Variants in DENND1C observed in about 807,000 individuals in gnomAD.
DENND1C encodes DENN domain-containing protein 1C.
A neutral mutation model predicts 87.9 loss-of-function variants in DENND1C; 64 were observed. That is an observed-to-expected ratio of 0.73 (90% CI 0.60 to 0.90). The LOEUF is 0.90. Ranked by LOEUF, DENND1C falls within the 40% of genes least tolerant of loss-of-function variation. DENND1C has a pLI of 0.00. For synonymous variants in DENND1C, 384 were observed against 424.4 expected (o/e 0.90, Z 1.17); for missense variants, 980 against 1,037.0 (o/e 0.95, Z 0.76).
Position 6,471,240 on chromosome 19 carries a change from C to T in DENND1C, c.1290+25G>A, listed in dbSNP as rs765944971. On this transcript the variant is annotated intron_variant, in intron 17 of 22. Transcript: ENST00000381480. ...GATTACAGGCCTAAGCCAACGCCCACGGCCTATTGTTCTGGTGGTCTTACC... is the reference window on the plus strand; with the variant it reads ...GATTACAGGCCTAAGCCAACGCCCATGGCCTATTGTTCTGGTGGTCTTACC... 3.8e-5 allele frequency: 59 copies of T among 1,571,202 alleles called. 3 individuals are homozygous for T. The highest frequency in any genetic ancestry group is 3.0e-4 in the African/African-American group (22 of 74,106).
intron 14 of DENND1C, among the ~76,000 whole-genome samples, chr19:6,473,444 C>T (rs1322150001): frequency 8.3e-5 from 12 of 144,742 alleles, no homozygotes; most frequent in Non-Finnish European, 1.7e-4. Flanking sequence ...TGAGCCACCG[C>T]GCCCAGCCCT....
At chr19:6,471,180 A>C in intron 17 of DENND1C, 85 bp downstream of exon 17, 1 of 1,531,592 alleles carries the variant, frequency 6.5e-7, no homozygotes, top group Non-Finnish European at 8.8e-7. Context: ...TTCTGGTCGC[A>C]GCAATCCTTC....
In DENND1C at chr19:6,468,880, T is replaced by G. The variant is rs911962111; in HGVS notation, c.1481A>C (p.Gln494Pro). The part of the protein sequence containing the change: ...PALPSRSDRL[Q>P]QRLPITQHFG... ...GTGCTGAGTGATTGGGAGGCGTTGCTGCAGGCGGTCTGAGCGGCTGGGGAG... is the reference window on the plus strand; with the variant it reads ...GTGCTGAGTGATTGGGAGGCGTTGCGGCAGGCGGTCTGAGCGGCTGGGGAG... The change falls in exon 20 of 23, where the codon CAG (glutamine) becomes CCG (proline). Residue 494 changes from glutamine to proline, a missense_variant. Gln to Pro is a moderately conservative substitution (Grantham distance 76, BLOSUM62 -1). Transcript: ENST00000381480. 4 of 1,511,596 alleles carry G rather than the reference T, an allele frequency of 2.6e-6. No individual in the cohort carries two copies. The highest frequency in any genetic ancestry group is 2.6e-6 in the Non-Finnish European group (3 of 1,135,562). The allele number at this position is 1,511,596 out of a possible 1,614,324, so 93.6% of individuals were successfully genotyped here.
Position 6,479,049 on chromosome 19 carries a change from G to C in DENND1C, c.184C>G (p.Pro62Ala), listed in dbSNP as rs1342054923. 5 of 1,613,926 alleles carry C rather than the reference G, an allele frequency of 3.1e-6. No homozygotes were observed. In the South Asian group the frequency reaches 5.5e-5, roughly 18 times the overall value. ...CFPFDVEREP[P>A]SPAVQHFTFA... ...GTGAAATGCTGCACGGCGGGGCTGG[G>C]GGGCTCCCTGGAGTGGGAAGGGCTG... The change falls in exon 5 of 23, where the codon CCC becomes GCC. Residue 62 changes from proline (P) to alanine (A), a missense_variant. Pro to Ala is a conservative substitution (Grantham distance 27). Transcript: ENST00000381480.
intron 9 of DENND1C, 41 bp from the exon 10 acceptor site, chr19:6,477,008 G>T (rs773592047): frequency 6.2e-7 from 1 of 1,613,382 alleles, no homozygotes. Context: ...ACGGGCCCCT[G>T]GATCTTGCAT....
At chr19:6,468,211 G>T in intron 22 of DENND1C, 23 bp downstream of exon 22, 1 of 1,612,878 alleles carries the variant, frequency 6.2e-7, no homozygotes, top group Middle Eastern at 1.7e-4. Context: ...GGGTAGGGTT[G>T]GGGGAGTGGG....
rs367543838 is a variant in DENND1C, at chr19:6,478,966, C to G, written c.267G>C (p.Ala89=). The change falls in exon 5 of 23, where the codon GCG becomes GCC. Residue 89 remains alanine (A), a synonymous_variant. Coordinates refer to ENST00000381480, the MANE Select transcript of DENND1C (RefSeq NM_024898.4). The part of the protein sequence containing the change: ...NRRFGFCRLR[A]GTQSCLCILS... ...GGATGCAGAGACAGCTCTGGGTACCCGCCCGCAGGCGGCAGAAACCAAATC... is the reference window on the plus strand; with the variant it reads ...GGATGCAGAGACAGCTCTGGGTACCGGCCCGCAGGCGGCAGAAACCAAATC... 1.2e-5 allele frequency: 20 copies of G among 1,613,804 alleles called. No homozygotes were observed. Among genetic ancestry groups the G allele is most frequent in the Admixed American group, 5.0e-5 (3 of 59,988 alleles).
intron 10 of DENND1C, 53 bp downstream of exon 10, chr19:6,476,804 C>G: frequency 1.3e-6 from 2 of 1,547,236 alleles, no homozygotes; most frequent in Non-Finnish European, 1.7e-6. Context: ...GTCCCGCCCC[C>G]CGGGGCGGAG....
rs752558769 is a variant in DENND1C at position 6,479,655 on chromosome 19, C to T, written c.176+14G>A. The T allele has an allele frequency of 3.1e-6, 5 of 1,613,788 alleles. No homozygotes were observed. The highest frequency in any genetic ancestry group is 2.2e-5 in the South Asian group (2 of 91,064). On this transcript the variant is annotated intron_variant, in intron 4 of 22. Coordinates refer to ENST00000381480, the MANE Select transcript of DENND1C (RefSeq NM_024898.4). ...TGAGTCCCTGAGTCCTTGGATCTCCCCGCCCTTCCGTACCTTTCCACATCA... is the reference window on the plus strand; with the variant it reads ...TGAGTCCCTGAGTCCTTGGATCTCCTCGCCCTTCCGTACCTTTCCACATCA...
intron 10 of DENND1C, chr19:6,476,245 AC>A (rs1385552376): frequency 8.4e-6 from 3 of 357,360 alleles, no homozygotes; most frequent in Middle Eastern, 7.6e-4. Flanking sequence ...CACTGACTCC[AC>A]CCCGAAAGAG....
rs762430744 is a variant in DENND1C at position 6,467,599 on chromosome 19, G to A, written c.2311C>T (p.Leu771=). The A allele has an allele frequency of 3.1e-6, 5 of 1,591,092 alleles. No homozygotes were observed. Among genetic ancestry groups the A allele is most frequent in the Middle Eastern group, 1.7e-4 (1 of 5,928 alleles). The part of the protein sequence containing the change: ...HLQPREEPGA[L]NSPATPTSNC... Reference sequence around the variant, plus strand: ...CTGGTGGGTGTAGCAGGGGAATTCAGGGCTCCTGGTTCCTCCCGTGGCTGG... The same window carrying A: ...CTGGTGGGTGTAGCAGGGGAATTCAAGGCTCCTGGTTCCTCCCGTGGCTGG... The change falls in exon 23 of 23, where the codon CTG becomes TTG. Residue 771 remains leucine, a synonymous_variant. Coordinates refer to ENST00000381480, the MANE Select transcript of DENND1C (RefSeq NM_024898.4).
chr19:6,472,536 G>A (rs574704024), intron 15 of DENND1C, among the ~76,000 whole-genome samples: 79 of 152,188 alleles, frequency 5.2e-4, no homozygotes, highest in African/African-American at 1.8e-3. Context: ...GATTATAGGC[G>A]CACGCCACCA....
chr19:6,479,552 G>T, intron 4 of DENND1C, 117 bp downstream of exon 4: 1 of 1,312,156 alleles, frequency 7.6e-7, no homozygotes, highest in Non-Finnish European at 1.1e-6. Context: ...GAGTCTCTGA[G>T]TCTCAGGGTC....
At position 6,467,585 on chromosome 19, in the gene DENND1C, A is replaced by G. The variant is rs772723757; in HGVS notation, c.2325T>C (p.Ala775=). 6.3e-6 allele frequency: 10 copies of G among 1,599,760 alleles called. No individual in the cohort carries two copies. In the Admixed American group the frequency reaches 1.3e-4, roughly 20 times the overall value. The change falls in exon 23 of 23, where the codon GCT becomes GCC. Residue 775 remains alanine, a synonymous_variant. Coordinates refer to ENST00000381480, the MANE Select transcript of DENND1C (RefSeq NM_024898.4). ...REEPGALNSP[A]TPTSNCQKSQ... ...ACTTTTGACAGTTGCTGGTGGGTGTAGCAGGGGAATTCAGGGCTCCTGGTT... is the reference window on the plus strand; with the variant it reads ...ACTTTTGACAGTTGCTGGTGGGTGTGGCAGGGGAATTCAGGGCTCCTGGTT...
At chr19:6,481,538 A>T in intron 1 of DENND1C, 141 bp downstream of exon 1, 1 of 1,219,386 alleles carries the variant, frequency 8.2e-7, no homozygotes, top group African/African-American at 1.5e-5. Context: ...GCGGAGGCCC[A>T]TGGAGTATCT....
chr19:6,467,790 G>C lies in DENND1C; in HGVS notation c.2120C>G (p.Pro707Arg). 6.5e-7 allele frequency: 1 copy of C among 1,527,886 alleles called. No individual in the cohort carries two copies. The highest frequency in any genetic ancestry group is 1.4e-5 in the African/African-American group (1 of 72,046). 94.6% of individuals were successfully genotyped at this position (1,527,886 alleles called of 1,614,324 possible). The part of the protein sequence containing the change: ...ENPTPWLSTA[P>R]TEPSPPESPQ... ...GCTTTCTGGAGGGCTGGGCTCAGTG[G>C]GTGCAGTGGAGAGCCAGGGAGTGGG... Residue 707 changes from proline to arginine, a missense_variant, in exon 23 of 23, where the codon CCC (proline) becomes CGC (arginine). Physicochemically the swap from Pro to Arg is moderately radical, Grantham distance 103. Transcript: ENST00000381480.
chr19:6,476,672 C>T (rs2092862641), intron 10 of DENND1C, 185 bp downstream of exon 10: 1 of 613,520 alleles, frequency 1.6e-6, no homozygotes, highest in Non-Finnish European at 2.8e-6. Context: ...GGAGCTGCAG[C>T]GCAGCCCCCT....
intron 4 of DENND1C, 125 bp downstream of exon 4, chr19:6,479,544 G>A: frequency 1.6e-6 from 2 of 1,214,304 alleles, no homozygotes; most frequent in Non-Finnish European, 2.4e-6. Context: ...GAGTGTCTGA[G>A]TCTCTGAGTC....
At position 6,476,945 on chromosome 19, in the gene DENND1C, A is replaced by AC; in HGVS notation, c.589dup (p.Val197GlyfsTer5). On this transcript the variant is annotated frameshift_variant, in exon 10 of 23. Transcript: ENST00000381480. LOFTEE classifies it high-confidence loss of function. ...CACGATGTTCTCGTCAGTCACGGCC[A>AC]CCACCAGCTCCGTTAGGTTCCTCTG... 1 of 1,613,604 alleles carries AC rather than the reference A, an allele frequency of 6.2e-7. No individual in the cohort carries two copies. Among genetic ancestry groups the AC allele is most frequent in the Non-Finnish European group, 8.5e-7 (1 of 1,179,768 alleles).
Sources: allele counts gnomAD v4.1 joint callset (sites outside exome capture counted in the v4.1 genomes callset), GRCh38; gene constraint gnomAD v4.1.1; transcripts MANE v1.5; gene names NCBI Gene and HGNC (gene_info 2026-07-23, HGNC 2026-07-21).